Variants in CSMD1 observed in about 807,000 individuals in gnomAD.
CSMD1 encodes CUB and Sushi multiple domains 1, also known as CUB and sushi domain-containing protein 1.
In CSMD1, 213 loss-of-function variants were observed where a neutral mutation model predicts 417.5. The ratio of observed to expected loss-of-function variants is 0.51; its 90% CI spans 0.46 to 0.57. The LOEUF (loss-of-function observed/expected upper bound fraction) is 0.57. CSMD1 is among the 20% of genes least tolerant of loss of function. CSMD1 has a pLI of 0.00. For missense variants in CSMD1, 6,923 were observed against 4,529.7 expected (o/e 1.53, Z -15.17); for synonymous variants, 2,862 against 1,736.8 (o/e 1.65, Z -16.11).
intron 1 of CSMD1, among the ~76,000 whole-genome samples, chr8:4,730,544 T>C (rs780370518): frequency 5.3e-5 from 8 of 151,878 alleles, no homozygotes; most frequent in Non-Finnish European, 1.2e-4. Flanking sequence ...ATGGAGACCA[T>C]CCTGGCTAAC....
chr8:3,357,128 TG>T (rs1808848066), intron 21 of CSMD1, among the ~76,000 whole-genome samples: 1 of 151,630 alleles, frequency 6.6e-6, no homozygotes, highest in African/African-American at 2.4e-5. Flanking sequence ...TAAGCAGGTG[TG>T]GGGAATTAGA....
chr8:3,207,026 A>G (rs373995735), intron 30 of CSMD1, among the ~76,000 whole-genome samples: 14 of 151,936 alleles, frequency 9.2e-5, no homozygotes, highest in African/African-American at 3.1e-4. Context: ...GCCTGACTGC[A>G]CTTCCTATCT....
intron 23 of CSMD1, among the ~76,000 whole-genome samples, chr8:3,326,840 AGG>A (rs1806562239): frequency 6.6e-6 from 1 of 152,220 alleles, no homozygotes; most frequent in Admixed American, 6.5e-5. Flanking sequence ...ATGCCTTTTC[AGG>A]ATTCTTACAA....
At chr8:4,537,288 T>C (rs1050513524) in intron 2 of CSMD1, among the ~76,000 whole-genome samples, 7 of 152,186 alleles carry the variant, frequency 4.6e-5, no homozygotes, top group Non-Finnish European at 8.8e-5. Flanking sequence ...TCTGGTAAAA[T>C]GCTTATCTTT....
intron 1 of CSMD1, among the ~76,000 whole-genome samples, chr8:4,792,757 C>A (rs1384942965): frequency 2.6e-5 from 4 of 152,090 alleles, no homozygotes; most frequent in Non-Finnish European, 5.9e-5. Flanking sequence ...CCCATTACTA[C>A]GGGGTGTTTT....
At chr8:4,458,381 A>G (rs772323101) in intron 2 of CSMD1, among the ~76,000 whole-genome samples, 2 of 152,200 alleles carry the variant, frequency 1.3e-5, no homozygotes, top group South Asian at 4.1e-4. Context: ...TTATAAACCT[A>G]AAGTTATTAC....
chr8:3,192,345 T>A (rs1157545428), intron 33 of CSMD1, among the ~76,000 whole-genome samples: 2 of 152,194 alleles, frequency 1.3e-5, no homozygotes, highest in Non-Finnish European at 2.9e-5. Context: ...AATATTTGCA[T>A]AAACATAATG....
At chr8:4,847,953 C>A (rs549749473) in intron 1 of CSMD1, among the ~76,000 whole-genome samples, 1 of 152,144 alleles carries the variant, frequency 6.6e-6, no homozygotes, top group African/African-American at 2.4e-5. Flanking sequence ...AGCACCACCC[C>A]CCATCCCTTC....
chr8:4,679,738 G>A (rs7004127), intron 1 of CSMD1, among the ~76,000 whole-genome samples: 8,546 of 152,168 alleles, frequency 0.056, 305 homozygotes, highest in South Asian at 0.11. Context: ...ATTAGTTTCT[G>A]TAACTACTTA....
chr8:3,594,274 T>C (rs1010805037), intron 8 of CSMD1, among the ~76,000 whole-genome samples: 2 of 152,132 alleles, frequency 1.3e-5, no homozygotes, highest in Admixed American at 1.3e-4. Context: ...ATCAAACAGC[T>C]CTTGGTCAAT....
chr8:2,987,246 T>C (rs1805998750), intron 54 of CSMD1, among the ~76,000 whole-genome samples: 1 of 151,956 alleles, frequency 6.6e-6, no homozygotes, highest in Non-Finnish European at 1.5e-5. Context: ...GCATTAATTT[T>C]ATAAGGATAA....
At chr8:3,477,510 G>C (rs1278592656) in intron 11 of CSMD1, among the ~76,000 whole-genome samples, 2 of 152,222 alleles carry the variant, frequency 1.3e-5, no homozygotes, top group Non-Finnish European at 2.9e-5. Context: ...GATAAGTAAA[G>C]ACAAGGTACT....
At chr8:4,467,179 G>A (rs528642328) in intron 2 of CSMD1, among the ~76,000 whole-genome samples, 1 of 149,226 alleles carries the variant, frequency 6.7e-6, no homozygotes, top group South Asian at 2.1e-4. Flanking sequence ...AACTCGTTCT[G>A]TAAACAATGT....
intron 49 of CSMD1, among the ~76,000 whole-genome samples, chr8:3,053,275 G>A (rs181320950): frequency 5.9e-5 from 9 of 152,208 alleles, no homozygotes; most frequent in East Asian, 5.8e-4. Flanking sequence ...GTGTGGCCAC[G>A]GGAGCACAAT....
chr8:4,479,352 C>T (rs533967449), intron 2 of CSMD1, among the ~76,000 whole-genome samples: 1 of 152,124 alleles, frequency 6.6e-6, no homozygotes, highest in Non-Finnish European at 1.5e-5. Flanking sequence ...CTGCACTTTA[C>T]CACATATGTC....
chr8:3,643,878 T>C (rs1055394523), intron 7 of CSMD1, among the ~76,000 whole-genome samples: 1 of 152,130 alleles, frequency 6.6e-6, no homozygotes, highest in Non-Finnish European at 1.5e-5. Context: ...GTTAATACAC[T>C]TGATTTGATT....
At chr8:4,371,340 G>C (rs1014224978) in intron 3 of CSMD1, among the ~76,000 whole-genome samples, 2 of 152,122 alleles carry the variant, frequency 1.3e-5, no homozygotes, top group Non-Finnish European at 2.9e-5. Context: ...GCAAGTTAAA[G>C]TTTTAAATGC....
At chr8:3,273,236 A>C (rs1281837346) in intron 26 of CSMD1, among the ~76,000 whole-genome samples, 9 of 151,116 alleles carry the variant, frequency 6.0e-5, no homozygotes, top group Admixed American at 4.0e-4. Context: ...GATTACATTT[A>C]TAGATTTGCG....
intron 1 of CSMD1, among the ~76,000 whole-genome samples, chr8:4,749,449 A>T (rs1811165435): frequency 6.6e-6 from 1 of 152,222 alleles, no homozygotes; most frequent in Admixed American, 6.5e-5. Flanking sequence ...CCATGGAAAT[A>T]AGGTTAAGAC....
Sources: allele counts gnomAD v4.1 joint callset (sites outside exome capture counted in the v4.1 genomes callset), GRCh38; gene constraint gnomAD v4.1.1; transcripts MANE v1.5; gene names NCBI Gene and HGNC (gene_info 2026-07-23, HGNC 2026-07-21).